Variants in OSBPL5 observed in about 807,000 individuals in gnomAD.
The protein encoded by OSBPL5 is oxysterol-binding protein-related protein 5.
Under a neutral mutation model 111.2 loss-of-function variants are expected in OSBPL5, and 71 were observed. That is an observed-to-expected ratio of 0.64 (90% CI 0.53 to 0.78). The LOEUF (loss-of-function observed/expected upper bound fraction) is 0.78, where lower values mean the gene tolerates loss of function less well. Among genes scored for constraint, OSBPL5 ranks in the 30% least tolerant of loss-of-function variants. The probability of loss-of-function intolerance (pLI) is 0.00; values close to 1 mark genes in which losing one functional copy is unlikely to be tolerated. For synonymous variants in OSBPL5, 549 were observed against 513.9 expected (o/e 1.07, Z -0.93); for missense variants, 1,210 against 1,189.3 (o/e 1.02, Z -0.26).
chr11:3,093,807 T>C lies in OSBPL5; in HGVS notation c.1748A>G (p.Asn583Ser), dbSNP rs761453399. Reference protein sequence around the residue: ...KPFFGGSTSINQISGKITSGE... With the variant: ...KPFFGGSTSISQISGKITSGE... Reference sequence around the variant, plus strand: ...CGACGTGATCTTTCCCGAGATCTGGTTGATGCTGGTGCTACCCCCGAAGAA... The same window carrying C: ...CGACGTGATCTTTCCCGAGATCTGGCTGATGCTGGTGCTACCCCCGAAGAA... Residue 583 changes from asparagine (N) to serine (S), a missense_variant, in exon 16 of 22, where the codon AAC becomes AGC. Coordinates refer to ENST00000263650, the MANE Select transcript of OSBPL5 (RefSeq NM_020896.4). 2 of 1,612,786 alleles carry C rather than the reference T, an allele frequency of 1.2e-6. No homozygotes were observed. The highest frequency in any genetic ancestry group is 2.2e-5 in the East Asian group (1 of 44,878).
intron 14 of OSBPL5, among the ~76,000 whole-genome samples, chr11:3,099,834 C>T (rs184423603): frequency 0.013 from 2,019 of 152,034 alleles, 24 homozygotes; most frequent in Middle Eastern, 0.037. Flanking sequence ...TTTGGGAGGC[C>T]GAGGCGGGCG....
intron 1 of OSBPL5, among the ~76,000 whole-genome samples, chr11:3,155,407 G>A (rs1700153486): frequency 6.6e-6 from 1 of 152,076 alleles, no homozygotes; most frequent in Non-Finnish European, 1.5e-5. Context: ...AGCACCGAGG[G>A]GGGATGGGTG....
At chr11:3,096,569 A>G (rs1338747269) in intron 14 of OSBPL5, among the ~76,000 whole-genome samples, 3 of 150,614 alleles carry the variant, frequency 2.0e-5, no homozygotes, top group Non-Finnish European at 4.4e-5. Flanking sequence ...CAGTGAGCTG[A>G]GATTGCACCA....
At chr11:3,091,298 AC>A (rs1564819949) in intron 19 of OSBPL5, among the ~76,000 whole-genome samples, 2 of 152,238 alleles carry the variant, frequency 1.3e-5, no homozygotes, top group Non-Finnish European at 1.5e-5. Flanking sequence ...CTGTGGGACC[AC>A]CATGTAACAA....
At chr11:3,155,793 C>T (rs1328697284) in intron 1 of OSBPL5, among the ~76,000 whole-genome samples, 1 of 152,254 alleles carries the variant, frequency 6.6e-6, no homozygotes, top group Non-Finnish European at 1.5e-5. Flanking sequence ...TGGGGCTTGG[C>T]TGGTATTCCC....
At chr11:3,089,019 A>C (rs1039582355) in intron 21 of OSBPL5, among the ~76,000 whole-genome samples, 2 of 152,184 alleles carry the variant, frequency 1.3e-5, no homozygotes, top group Middle Eastern at 3.2e-3. Flanking sequence ...GGCGGTATCC[A>C]GTTTGCTGCA....
At chr11:3,131,883 A>ACCCTCCCTCCCTT (rs1340704313) in intron 1 of OSBPL5, among the ~76,000 whole-genome samples, 1 of 133,950 alleles carries the variant, frequency 7.5e-6, no homozygotes. Context: ...CCATCCACCC[A>ACCCTCCCTCCCTT]TCCACCCACC....
At chr11:3,157,030 G>A (rs1384756306) in intron 1 of OSBPL5, among the ~76,000 whole-genome samples, 1 of 152,262 alleles carries the variant, frequency 6.6e-6, no homozygotes, top group Non-Finnish European at 1.5e-5. Flanking sequence ...GCCCCCAAGG[G>A]CAGCAAGCTC....
At chr11:3,112,056 CATGTGTATGTGTGTGT>C (rs1564837589) in intron 7 of OSBPL5, among the ~76,000 whole-genome samples, 17 of 32,060 alleles carry the variant, frequency 5.3e-4, no homozygotes, top group African/African-American at 9.6e-4. Context: ...CATGTGTGTG[CATGTGTATGTGTGTGT>C]GCATGTGTGT....
In OSBPL5 at chr11:3,109,175, A is replaced by C. The variant is rs1590661256; in HGVS notation, c.692-1230T>G. Among the ~76,000 whole-genome samples, 1 of 147,344 alleles carries C rather than the reference A, an allele frequency of 6.8e-6. No homozygotes were observed. Among genetic ancestry groups the C allele is most frequent in the Non-Finnish European group, 1.5e-5 (1 of 66,532 alleles). On this transcript the variant is annotated intron_variant, in intron 7 of 21. Coordinates refer to ENST00000263650, the MANE Select transcript of OSBPL5 (RefSeq NM_020896.4). The surrounding 1 kb of genome is among the most constrained non-coding windows in gnomAD (Gnocchi z 7.4). The stretch of plus-strand genomic sequence containing the variant: ...TGATCTCAGCTCGCTGCAACCTCTG[A>C]CTCCAGGGTTCAAGTGATTCTCCTG...
chr11:3,089,783 C>G lies in OSBPL5; in HGVS notation c.2501+63G>C. 4 of 1,479,434 alleles carry G rather than the reference C, an allele frequency of 2.7e-6. No homozygotes were observed. In the East Asian group the frequency reaches 7.4e-5, roughly 27 times the overall value. The allele number at this position is 1,479,434 out of a possible 1,614,324, so 91.6% of individuals were successfully genotyped here. A position where few individuals can be genotyped will look rare whatever the true frequency, so the allele number is the denominator to read the frequency against. ...CTGGCCTCCCCACCTCCCGCCCTAG[C>G]TCTACCAGGTCTCTCGCACTCTCTG... On this transcript the variant is annotated intron_variant, in intron 21 of 21. Transcript: ENST00000263650.
intron 14 of OSBPL5, among the ~76,000 whole-genome samples, chr11:3,099,424 A>G (rs1406886538): frequency 6.6e-6 from 1 of 152,226 alleles, no homozygotes; most frequent in Non-Finnish European, 1.5e-5. Flanking sequence ...ATGATACCAA[A>G]TGTAGCACCT....
intron 1 of OSBPL5, among the ~76,000 whole-genome samples, chr11:3,132,552 T>TC (rs1438274923): frequency 5.3e-5 from 8 of 151,544 alleles, no homozygotes; most frequent in African/African-American, 1.9e-4. Flanking sequence ...CCCCAAGCCC[T>TC]CCCGCCACCC....
In OSBPL5 at chr11:3,121,973, G is replaced by A. The variant is rs1228641579; in HGVS notation, c.402+24C>T. 5 of 1,539,762 alleles carry A rather than the reference G, an allele frequency of 3.2e-6. No homozygotes were observed. Among genetic ancestry groups the A allele is most frequent in the Admixed American group, 1.9e-5 (1 of 51,594 alleles). On this transcript the variant is annotated intron_variant, in intron 5 of 21. Coordinates refer to ENST00000263650, the MANE Select transcript of OSBPL5 (RefSeq NM_020896.4). This position sits in a 1 kb window ranked among gnomAD's most constrained non-coding sequence, Gnocchi z 4.3. ...CAGCACGCTGACCCGTGTCCTGGGT[G>A]GCCGGAGGCCGGGCATCACCTACCT...
At chr11:3,123,983 T>C (rs1381378139) in intron 3 of OSBPL5, among the ~76,000 whole-genome samples, 2 of 152,182 alleles carry the variant, frequency 1.3e-5, no homozygotes, top group African/African-American at 2.4e-5. Context: ...AAGATGCCAG[T>C]GTCCTGCTCT....
At position 3,109,266 on chromosome 11, in the gene OSBPL5, G is replaced by A. The variant is rs140199116; in HGVS notation, c.692-1321C>T. 6.6e-6 allele frequency among the ~76,000 whole-genome samples: 1 copy of A among 151,814 alleles called. No homozygotes were observed. The highest frequency in any genetic ancestry group is 1.5e-5 in the Non-Finnish European group (1 of 67,944). ...GTAATTTTTTTGTATTTTTAGTAGA[G>A]ATGGGGTTTCACCATGTTGGCCAGG... On this transcript the variant is annotated intron_variant, in intron 7 of 21. Coordinates refer to ENST00000263650, the MANE Select transcript of OSBPL5 (RefSeq NM_020896.4). This position sits in a 1 kb window ranked among gnomAD's most constrained non-coding sequence, Gnocchi z 7.4.
chr11:3,109,451 G>A lies in OSBPL5; in HGVS notation c.692-1506C>T, dbSNP rs1365366914. Among the ~76,000 whole-genome samples the A allele has an allele frequency of 6.6e-6, 1 of 152,192 alleles. No homozygotes were observed. Among genetic ancestry groups the A allele is most frequent in the Non-Finnish European group, 1.5e-5 (1 of 68,034 alleles). ...AGGATGGGGCTGAAGAGCATTGAAG[G>A]CGGTTCTGTGCCTCTCTGAGCCTCT... On this transcript the variant is annotated intron_variant, in intron 7 of 21. Coordinates refer to ENST00000263650, the MANE Select transcript of OSBPL5 (RefSeq NM_020896.4). This position sits in a 1 kb window ranked among gnomAD's most constrained non-coding sequence, Gnocchi z 7.4.
Position 3,093,577 on chromosome 11 carries a change from C to T in OSBPL5, c.1896G>A (p.Leu632=), listed in dbSNP as rs79484808. The change falls in exon 17 of 22, where the codon CTG becomes CTA. Residue 632 remains leucine (L), a synonymous_variant. Coordinates refer to ENST00000263650, the MANE Select transcript of OSBPL5 (RefSeq NM_020896.4). ...CCTCCAGCGGCACCGTGTGCTGCCT[C>T]AGCCTCTGTCTGCGGACCTCCCCGC... ...TPSGEVRRQR[L]RQHTVPLEEQ... is the part of the protein sequence containing the mutation. The T allele has an allele frequency of 1.2e-6, 2 of 1,612,358 alleles. No individual in the cohort carries two copies. The highest frequency in any genetic ancestry group is 1.3e-5 in the African/African-American group (1 of 75,076).
At chr11:3,158,708 A>G (rs2134562736) in intron 1 of OSBPL5, among the ~76,000 whole-genome samples, 1 of 152,370 alleles carries the variant, frequency 6.6e-6, no homozygotes, top group Non-Finnish European at 1.5e-5. Flanking sequence ...GAAGGACGAG[A>G]AAGATTTCCA....
Sources: allele counts gnomAD v4.1 joint callset (sites outside exome capture counted in the v4.1 genomes callset), GRCh38; gene constraint gnomAD v4.1.1; non-coding constraint Gnocchi (gnomAD v3.1); transcripts MANE v1.5; gene names NCBI Gene and HGNC (gene_info 2026-07-23, HGNC 2026-07-21).